COLQ: variants seen among roughly 807,000 people sequenced by gnomAD.
COLQ encodes the protein acetylcholinesterase collagenic tail peptide.
A neutral mutation model predicts 69.0 loss-of-function variants in COLQ; 48 were observed. The ratio of observed to expected loss-of-function variants is 0.70; its 90% CI spans 0.55 to 0.88. COLQ has a LOEUF of 0.88. COLQ is among the 40% of genes least tolerant of loss of function. The probability of loss-of-function intolerance (pLI) is 0.00; values close to 1 mark genes in which losing one functional copy is unlikely to be tolerated. For synonymous variants in COLQ, 217 were observed against 211.2 expected, an observed-to-expected ratio of 1.03 and a Z score of -0.24; for missense variants, 618 against 594.6, an observed-to-expected ratio of 1.04 and a Z score of -0.41.
At chr3:15,461,138 A>G (rs1247169370) in intron 12 of COLQ, among the ~76,000 whole-genome samples, 2 of 152,032 alleles carry the variant, frequency 1.3e-5, no homozygotes, top group Non-Finnish European at 2.9e-5. Flanking sequence ...ACTCAGCCAA[A>G]TTTGTAATTT....
At chr3:15,476,987 T>A (rs2062389781) in intron 6 of COLQ, 139 bp downstream of exon 6, 2 of 864,620 alleles carry the variant, frequency 2.3e-6, no homozygotes, top group Non-Finnish European at 3.8e-6. Context: ...TGGGGCCCTG[T>A]GGCCAGTCCT....
At chr3:15,518,077 C>T (rs1443494577) in intron 1 of COLQ, among the ~76,000 whole-genome samples, 1 of 152,170 alleles carries the variant, frequency 6.6e-6, no homozygotes, top group Non-Finnish European at 1.5e-5. Context: ...TCCTGAGTAG[C>T]TGGGATTACA....
Position 15,502,520 on chromosome 3 carries a change from A to T in COLQ, c.107-12883T>A, listed in dbSNP as rs529522138. On this transcript the variant is annotated intron_variant, in intron 1 of 16. Transcript: ENST00000383788. ...AACCTCCACCTCCTGGGTTCAAGAG[A>T]TTCTAGTGCCTCAGCCTCTGGAGTA... Among the ~76,000 whole-genome samples the T allele has an allele frequency of 3.3e-5, 5 of 152,108 alleles. No homozygotes were observed. The South Asian group carries it at 6.2e-4, about 19-fold the overall frequency.
intron 3 of COLQ, among the ~76,000 whole-genome samples, chr3:15,481,521 T>C (rs2125126896): frequency 6.6e-6 from 1 of 152,198 alleles, no homozygotes; most frequent in East Asian, 1.9e-4. Context: ...ACCAGATGGT[T>C]GTAGATGTGT....
intron 12 of COLQ, among the ~76,000 whole-genome samples, chr3:15,463,848 A>T (rs1208967811): frequency 1.3e-5 from 2 of 152,294 alleles, no homozygotes; most frequent in Admixed American, 6.5e-5. Context: ...CAATTCCAGA[A>T]ATGAATTATG....
chr3:15,452,150 T>A (rs537184492), intron 16 of COLQ, among the ~76,000 whole-genome samples: 1 of 151,196 alleles, frequency 6.6e-6, no homozygotes, highest in Non-Finnish European at 1.5e-5. Context: ...CACTGCAGCC[T>A]CTGCCTCCCA....
At chr3:15,503,024 C>T (rs947333178) in intron 1 of COLQ, among the ~76,000 whole-genome samples, 5 of 152,192 alleles carry the variant, frequency 3.3e-5, no homozygotes, top group Non-Finnish European at 5.9e-5. Context: ...GAATTGGGGT[C>T]AGAGTTCCAA....
rs990666656 is a variant in COLQ at position 15,488,772 on chromosome 3, G to T, written c.220-465C>A. ...ATATTATCATTTTAACATATATTCAGTATTGGAAAGTTAACTAATGAGATA... is the reference window on the plus strand; with the variant it reads ...ATATTATCATTTTAACATATATTCATTATTGGAAAGTTAACTAATGAGATA... On this transcript the variant is annotated intron_variant, in intron 2 of 16. Transcript: ENST00000383788. Among the ~76,000 whole-genome samples the T allele has an allele frequency of 3.9e-5, 6 of 152,108 alleles. No homozygotes were observed. In the East Asian group the frequency reaches 1.2e-3, roughly 29 times the overall value.
intron 1 of COLQ, among the ~76,000 whole-genome samples, chr3:15,517,365 T>C (rs751519562): frequency 2.0e-5 from 3 of 152,198 alleles, no homozygotes; most frequent in Non-Finnish European, 2.9e-5. Context: ...TGAGCTGCCA[T>C]TTCCTCATCT....
intron 11 of COLQ, among the ~76,000 whole-genome samples, 166 bp downstream of exon 11, chr3:15,470,370 T>C (rs2062260410): frequency 1.3e-5 from 2 of 152,182 alleles, no homozygotes; most frequent in African/African-American, 2.4e-5. Context: ...AGCCTAGAGA[T>C]GCCAGCAGCT....
intron 8 of COLQ, 52 bp downstream of exon 8, chr3:15,474,873 G>C: frequency 6.2e-7 from 1 of 1,607,848 alleles, no homozygotes; most frequent in Non-Finnish European, 8.5e-7. Flanking sequence ...TCTGATTCCA[G>C]AGCCAGTAGC....
At chr3:15,498,055 G>C (rs1407617295) in intron 1 of COLQ, among the ~76,000 whole-genome samples, 1 of 152,186 alleles carries the variant, frequency 6.6e-6, no homozygotes, top group South Asian at 2.1e-4. Flanking sequence ...GTGCCTCTGA[G>C]CCAAATTACC....
chr3:15,510,270 T>A (rs1411857246), intron 1 of COLQ, among the ~76,000 whole-genome samples: 1 of 152,056 alleles, frequency 6.6e-6, no homozygotes, highest in African/African-American at 2.4e-5. Context: ...TTTGGAATAA[T>A]GGTTGCAACC....
chr3:15,459,561 C>T (rs1463599971), intron 12 of COLQ, among the ~76,000 whole-genome samples: 1 of 151,294 alleles, frequency 6.6e-6, no homozygotes, highest in Admixed American at 6.6e-5. Context: ...TCACTGCAAC[C>T]TCCGCCTCTC....
intron 5 of COLQ, 89 bp from the exon 6 acceptor site, chr3:15,477,286 C>G: frequency 8.2e-7 from 1 of 1,226,810 alleles, no homozygotes; most frequent in Non-Finnish European, 1.2e-6. Context: ...CCAGAGGAGA[C>G]AGTGGGTTCT....
chr3:15,520,941 G>A (rs903870199), intron 1 of COLQ, among the ~76,000 whole-genome samples: 1 of 152,108 alleles, frequency 6.6e-6, no homozygotes, highest in East Asian at 1.9e-4. Flanking sequence ...AAGGGAAGTC[G>A]CACCCAGGAA....
At position 15,478,799 on chromosome 3, in the gene COLQ, G is replaced by T. The variant is rs2062424851; in HGVS notation, c.393+178C>A. Reference sequence around the variant, plus strand: ...TAGCAGGCTCCTGCTCCTGAACAAAGAAGTTGACAGAAAGGGCAAGGTTAC... The same window carrying T: ...TAGCAGGCTCCTGCTCCTGAACAAATAAGTTGACAGAAAGGGCAAGGTTAC... On this transcript the variant is annotated intron_variant, in intron 5 of 16. Transcript: ENST00000383788. 4.0e-6 allele frequency: 3 copies of T among 750,930 alleles called. No individual in the cohort carries two copies. In the South Asian group the frequency reaches 4.6e-5, roughly 12 times the overall value. The allele number at this position is 750,930 out of a possible 1,614,324, so 46.5% of individuals were successfully genotyped here. A position where few individuals can be genotyped will look rare whatever the true frequency, so the allele number is the denominator to read the frequency against.
At chr3:15,494,690 G>A (rs1373439570) in intron 1 of COLQ, among the ~76,000 whole-genome samples, 1 of 152,058 alleles carries the variant, frequency 6.6e-6, no homozygotes, top group Non-Finnish European at 1.5e-5. Context: ...AAGATTGAGT[G>A]GCCCTGCTGT....
intron 1 of COLQ, among the ~76,000 whole-genome samples, chr3:15,510,331 A>AC (rs1314852499): frequency 3.9e-5 from 6 of 152,168 alleles, no homozygotes; most frequent in African/African-American, 1.4e-4. Context: ...CTCTGTAGGT[A>AC]TTAGCTCATT....
Sources: gnomAD v4.1 joint callset for allele counts (sites outside exome capture counted in the v4.1 genomes callset) on GRCh38, gnomAD v4.1.1 for gene constraint, MANE v1.5 for transcripts, NCBI Gene and HGNC (gene_info 2026-07-23, HGNC 2026-07-21) for gene names.